GALNT13: variants seen among roughly 807,000 people sequenced by gnomAD.
GALNT13 encodes UDP-GalNAc:polypeptide N-acetylgalactosaminyltransferase 13.
A neutral mutation model predicts 64.2 loss-of-function variants in GALNT13; 28 were observed. The ratio of observed to expected loss-of-function variants is 0.44; its 90% CI spans 0.32 to 0.60. GALNT13 has a LOEUF of 0.60. GALNT13 is among the 20% of genes least tolerant of loss of function. The pLI is 0.05. For missense variants in GALNT13, 577 were observed against 669.8 expected (o/e 0.86, Z 1.53); for synonymous variants, 214 against 224.6 (o/e 0.95, Z 0.42).
At chr2:153,570,785 C>T in the GALNT13 span, among the ~76,000 whole-genome samples, 7 of 152,014 alleles carry the variant, frequency 4.6e-5, no homozygotes, top group African/African-American at 1.7e-4. Flanking sequence ...GGATTTGTTT[C>T]TGGGTTCTCT....
chr2:154,342,572 T>C (rs918502327), intron 9 of GALNT13, among the ~76,000 whole-genome samples: 1 of 152,068 alleles, frequency 6.6e-6, no homozygotes, highest in African/African-American at 2.4e-5. Context: ...ATCAAAATTC[T>C]ATCAAATTCA....
At chr2:154,181,292 T>C (rs1389780458) in intron 4 of GALNT13, among the ~76,000 whole-genome samples, 3 of 152,046 alleles carry the variant, frequency 2.0e-5, no homozygotes, top group African/African-American at 7.2e-5. Flanking sequence ...TAGAAGGAAA[T>C]TAACAAAATA....
At chr2:154,191,085 T>G (rs1686552053) in intron 4 of GALNT13, among the ~76,000 whole-genome samples, 2 of 152,194 alleles carry the variant, frequency 1.3e-5, no homozygotes, top group Admixed American at 1.3e-4. Context: ...CTCAAGGGTT[T>G]TCAGAACCTT....
chr2:153,886,631 A>G (rs765945836), intron 1 of GALNT13, among the ~76,000 whole-genome samples: 29 of 151,974 alleles, frequency 1.9e-4, no homozygotes, highest in Non-Finnish European at 3.8e-4. Flanking sequence ...AAAGCTGTGA[A>G]TATCTGTTTT....
At chr2:153,200,010 G>T in the GALNT13 span, among the ~76,000 whole-genome samples, 18 of 152,274 alleles carry the variant, frequency 1.2e-4, no homozygotes, top group Non-Finnish European at 2.4e-4. Context: ...TTTTAGTAAA[G>T]TTGCTTATAT....
chr2:153,185,927 A>G, the GALNT13 span, among the ~76,000 whole-genome samples: 1 of 151,974 alleles, frequency 6.6e-6, no homozygotes, highest in Non-Finnish European at 1.5e-5. Context: ...AGAAGAATGT[A>G]TATTCTGTTG....
At chr2:153,081,633 C>T in the GALNT13 span, among the ~76,000 whole-genome samples, 1 of 152,098 alleles carries the variant, frequency 6.6e-6, no homozygotes, top group African/African-American at 2.4e-5. Context: ...TCTTTCTGTG[C>T]CTGGCTTATT....
At chr2:153,653,256 G>A in the GALNT13 span, among the ~76,000 whole-genome samples, 1 of 152,162 alleles carries the variant, frequency 6.6e-6, no homozygotes, top group African/African-American at 2.4e-5. Flanking sequence ...AAGAAGTCAA[G>A]TGATTCAAGC....
chr2:153,317,663 C>A, the GALNT13 span, among the ~76,000 whole-genome samples: 1 of 151,932 alleles, frequency 6.6e-6, no homozygotes, highest in Non-Finnish European at 1.5e-5. Context: ...CAGGCAGTTA[C>A]TCTCCCTTTT....
At chr2:154,105,967 A>C (rs1273569544) in intron 3 of GALNT13, among the ~76,000 whole-genome samples, 2 of 152,200 alleles carry the variant, frequency 1.3e-5, no homozygotes, top group African/African-American at 4.8e-5. Flanking sequence ...CAAGGAAGCA[A>C]AAAAATGACA....
intron 3 of GALNT13, among the ~76,000 whole-genome samples, chr2:154,056,950 A>G (rs1024797104): frequency 3.2e-4 from 48 of 151,758 alleles, no homozygotes; most frequent in African/African-American, 1.2e-3. Flanking sequence ...CATTTCTCTT[A>G]CTACCTAAAA....
the GALNT13 span, among the ~76,000 whole-genome samples, chr2:153,139,333 G>C: frequency 1.3e-5 from 2 of 151,974 alleles, no homozygotes; most frequent in Non-Finnish European, 2.9e-5. Context: ...CCTGATTTAT[G>C]CAAGACATAG....
Position 153,990,115 on chromosome 2 carries a change from C to A in GALNT13, c.142+45476C>A, listed in dbSNP as rs971750342. Among the ~76,000 whole-genome samples, 8 of 151,946 alleles carry A rather than the reference C, an allele frequency of 5.3e-5. 1 individual carries two copies. The highest frequency in any genetic ancestry group is 1.5e-5 in the Non-Finnish European group (1 of 67,938). On this transcript the variant is annotated intron_variant, in intron 3 of 12. Coordinates refer to ENST00000392825, the MANE Select transcript of GALNT13 (RefSeq NM_052917.4). ...TAGTATTAGTATTCTTTCATTTAATCTTTCTGTAGACTGGTGCTTTTTTTC... is the reference window on the plus strand; with the variant it reads ...TAGTATTAGTATTCTTTCATTTAATATTTCTGTAGACTGGTGCTTTTTTTC...
chr2:153,207,961 G>A, the GALNT13 span: 1 of 152,050 alleles, frequency 6.6e-6, no homozygotes, highest in Non-Finnish European at 1.5e-5. Flanking sequence ...TTTGGAAGAT[G>A]TTTTGTTTGT....
chr2:153,745,752 ACT>A, the GALNT13 span, among the ~76,000 whole-genome samples: 7 of 152,036 alleles, frequency 4.6e-5, no homozygotes, highest in African/African-American at 1.7e-4. Context: ...ACATGGTCAC[ACT>A]CTGTCACCTG....
At chr2:153,533,339 C>T in the GALNT13 span, among the ~76,000 whole-genome samples, 1 of 151,950 alleles carries the variant, frequency 6.6e-6, no homozygotes, top group African/African-American at 2.4e-5. Context: ...GTAACCTCTG[C>T]CCCCCAGGTT....
intron 4 of GALNT13, among the ~76,000 whole-genome samples, chr2:154,163,495 AC>A (rs1684855925): frequency 6.6e-6 from 1 of 152,084 alleles, no homozygotes; most frequent in Admixed American, 6.6e-5. Context: ...GAAAATCTCA[AC>A]CCACATTCTT....
At chr2:153,940,714 CTATT>C (rs1302154981) in intron 2 of GALNT13, among the ~76,000 whole-genome samples, 3 of 152,140 alleles carry the variant, frequency 2.0e-5, no homozygotes, top group Non-Finnish European at 4.4e-5. Flanking sequence ...TCCTGCCTAA[CTATT>C]TAAAACATTT....
intron 3 of GALNT13, among the ~76,000 whole-genome samples, chr2:154,073,341 T>C (rs1294538647): frequency 6.6e-6 from 1 of 152,004 alleles, no homozygotes; most frequent in Non-Finnish European, 1.5e-5. Context: ...AAAACTTGGG[T>C]ATTTTGCAGA....
Sources: allele counts gnomAD v4.1 joint callset (sites outside exome capture counted in the v4.1 genomes callset), GRCh38; gene constraint gnomAD v4.1.1; transcripts MANE v1.5; gene names NCBI Gene and HGNC (gene_info 2026-07-23, HGNC 2026-07-21).